The following FER variants were observed in gnomAD, a reference collection of about 807,000 sequenced individuals.
The protein encoded by FER is tyrosine-protein kinase Fer.
Under a neutral mutation model 111.0 loss-of-function variants are expected in FER, and 63 were observed. The observed-to-expected ratio is 0.57, with a 90% confidence interval of 0.46 to 0.70. The LOEUF (loss-of-function observed/expected upper bound fraction) is 0.70, where lower values mean the gene tolerates loss of function less well. Among genes scored for constraint, FER ranks in the 30% least tolerant of loss-of-function variants. The probability of loss-of-function intolerance (pLI) is 0.00; values close to 1 mark genes in which losing one functional copy is unlikely to be tolerated. For synonymous variants in FER, 327 were observed against 313.9 expected (o/e 1.04, Z -0.44); for missense variants, 914 against 954.0 (o/e 0.96, Z 0.55).
At chr5:108,964,855 A>G (rs1759597655) in intron 13 of FER, among the ~76,000 whole-genome samples, 2 of 152,132 alleles carry the variant, frequency 1.3e-5, no homozygotes, top group Non-Finnish European at 2.9e-5. Context: ...CTTTTTTCCC[A>G]GTAACATTAT....
rs189160624 is a variant in FER at position 108,996,980 on chromosome 5, T to C, written c.1656+37633T>C. On this transcript the variant is annotated intron_variant, in intron 13 of 19. Transcript: ENST00000281092. ...TTCTCCTTAAAGACGTCCTTCACAT[T>C]CCTTGTAAGTTGGATTCCTAGGTAT... Among the ~76,000 whole-genome samples, 435 of 152,118 alleles carry C rather than the reference T, an allele frequency of 2.9e-3. 5 individuals carry two copies. Among genetic ancestry groups the C allele is most frequent in the South Asian group, 5.4e-3 (26 of 4,822 alleles).
At chr5:108,917,899 C>T (rs1752474536) in intron 10 of FER, among the ~76,000 whole-genome samples, 1 of 151,924 alleles carries the variant, frequency 6.6e-6, no homozygotes, top group Admixed American at 6.6e-5. Flanking sequence ...CATTGCAGGG[C>T]TTTTTATAAA....
chr5:108,995,987 G>A (rs1763933092), intron 13 of FER, among the ~76,000 whole-genome samples: 3 of 152,242 alleles, frequency 2.0e-5, no homozygotes, highest in African/African-American at 7.2e-5. Flanking sequence ...ATCTCTTTGT[G>A]GTTTTGATTT....
At chr5:108,914,943 A>G (rs1254214238) in intron 10 of FER, among the ~76,000 whole-genome samples, 1 of 152,214 alleles carries the variant, frequency 6.6e-6, no homozygotes, top group East Asian at 1.9e-4. Flanking sequence ...ATAGCCAGGA[A>G]TGGTGGTGGC....
intron 1 of FER, among the ~76,000 whole-genome samples, chr5:108,755,917 C>T (rs866781831): frequency 4.3e-4 from 65 of 149,950 alleles, no homozygotes; most frequent in Admixed American, 7.3e-4. Flanking sequence ...TTTGGGAGGC[C>T]GAGGTGGGTG....
At chr5:109,139,977 C>T (rs185436723) in intron 17 of FER, among the ~76,000 whole-genome samples, 34 of 152,238 alleles carry the variant, frequency 2.2e-4, no homozygotes, top group Non-Finnish European at 4.7e-4. Context: ...GAAATAAAAG[C>T]CAAAGCATTT....
chr5:109,013,776 A>C (rs1766648230), intron 13 of FER, among the ~76,000 whole-genome samples: 1 of 149,956 alleles, frequency 6.7e-6, no homozygotes, highest in African/African-American at 2.4e-5. Context: ...TTGCCATTCT[A>C]ACTGGTGTGA....
At chr5:109,178,240 A>G (rs925014967) in intron 17 of FER, among the ~76,000 whole-genome samples, 1 of 152,084 alleles carries the variant, frequency 6.6e-6, no homozygotes, top group African/African-American at 2.4e-5. Flanking sequence ...TCCCATTTCC[A>G]CTCACTTGAA....
At chr5:109,032,505 G>T (rs1245688916) in intron 13 of FER, among the ~76,000 whole-genome samples, 1 of 151,954 alleles carries the variant, frequency 6.6e-6, no homozygotes, top group Non-Finnish European at 1.5e-5. Context: ...TTGTCTCAGG[G>T]TCTGCTTCTG....
At chr5:109,105,194 T>C (rs1748745687) in intron 17 of FER, among the ~76,000 whole-genome samples, 1 of 151,988 alleles carries the variant, frequency 6.6e-6, no homozygotes, top group Non-Finnish European at 1.5e-5. Flanking sequence ...TGTGTACTTT[T>C]TTAGTTAAAT....
chr5:108,964,789 G>T (rs1235025144), intron 13 of FER, among the ~76,000 whole-genome samples: 1 of 152,118 alleles, frequency 6.6e-6, no homozygotes, highest in African/African-American at 2.4e-5. Context: ...AGTATATTTA[G>T]TAGAATAGGC....
chr5:109,051,874 A>C (rs1318052554), intron 16 of FER: 1 of 1,560,006 alleles, frequency 6.4e-7, no homozygotes, highest in Non-Finnish European at 8.8e-7. Flanking sequence ...GAAGCAGTCC[A>C]CCTGATGTGG....
chr5:109,104,464 G>A (rs923796361), intron 17 of FER, among the ~76,000 whole-genome samples: 5 of 152,136 alleles, frequency 3.3e-5, no homozygotes, highest in Admixed American at 6.5e-5. Flanking sequence ...CTGTCAGTAT[G>A]GGGACGATGA....
intron 16 of FER, among the ~76,000 whole-genome samples, chr5:109,072,087 A>G (rs564908397): frequency 4.4e-4 from 67 of 151,916 alleles, no homozygotes; most frequent in African/African-American, 1.2e-3. Flanking sequence ...CCAAGATTGT[A>G]TATACATTGT....
At chr5:108,778,287 G>A (rs1753708042) in intron 2 of FER, among the ~76,000 whole-genome samples, 2 of 152,066 alleles carry the variant, frequency 1.3e-5, no homozygotes, top group South Asian at 4.1e-4. Context: ...GTTTTTGTGT[G>A]GATATAAAAT....
chr5:109,081,227 A>G (rs1776951794), intron 16 of FER, among the ~76,000 whole-genome samples: 1 of 152,152 alleles, frequency 6.6e-6, no homozygotes, highest in Non-Finnish European at 1.5e-5. Flanking sequence ...AAAACTCAAC[A>G]AAGTTAATCT....
intron 3 of FER, among the ~76,000 whole-genome samples, chr5:108,802,172 T>G (rs1190424917): frequency 6.6e-6 from 1 of 152,158 alleles, no homozygotes; most frequent in Non-Finnish European, 1.5e-5. Flanking sequence ...ATTTTGTCTT[T>G]TCTAAATGTT....
chr5:108,934,912 A>G lies in FER; in HGVS notation c.1237-11218A>G, dbSNP rs144717415. On this transcript the variant is annotated intron_variant, in intron 10 of 19. Transcript: ENST00000281092. ...GGAAATGAAAGATTAACAAATGCAT[A>G]TATCTACAGAAGGAACAGGATTGGA... 7.6e-3 allele frequency among the ~76,000 whole-genome samples: 1,162 copies of G among 152,256 alleles called. 9 individuals are homozygous for G. The highest frequency in any genetic ancestry group is 0.027 in the African/African-American group (1,133 of 41,562).
At chr5:109,054,883 A>C (rs1282613978) in intron 16 of FER, among the ~76,000 whole-genome samples, 4 of 152,144 alleles carry the variant, frequency 2.6e-5, no homozygotes, top group Non-Finnish European at 5.9e-5. Context: ...TTCATATTAA[A>C]TTCAGTTTTT....
Sources: gnomAD v4.1 joint callset for allele counts (sites outside exome capture counted in the v4.1 genomes callset) on GRCh38, gnomAD v4.1.1 for gene constraint, MANE v1.5 for transcripts, NCBI Gene and HGNC (gene_info 2026-07-23, HGNC 2026-07-21) for gene names.